Variants in CNKSR3 observed in about 807,000 individuals in gnomAD.
CNKSR3 encodes the protein CNKSR family member 3, also known as connector enhancer of kinase suppressor of ras 3.
A neutral mutation model predicts 67.7 loss-of-function variants in CNKSR3; 36 were observed. The ratio of observed to expected loss-of-function variants is 0.53; its 90% CI spans 0.41 to 0.70. The LOEUF (loss-of-function observed/expected upper bound fraction) is 0.70. Among genes scored for constraint, CNKSR3 ranks in the 30% least tolerant of loss-of-function variants. CNKSR3 has a pLI of 0.00. For missense variants in CNKSR3, 630 were observed against 695.2 expected (o/e 0.91, Z 1.05); for synonymous variants, 281 against 271.4 (o/e 1.04, Z -0.35).
intron 1 of CNKSR3, among the ~76,000 whole-genome samples, chr6:154,475,620 C>T (rs1786429718): frequency 6.6e-6 from 1 of 152,142 alleles, no homozygotes; most frequent in Non-Finnish European, 1.5e-5. Flanking sequence ...CATCCAAGTC[C>T]CCCTGAAAGC....
chr6:154,423,845 A>T (rs1474769094), intron 7 of CNKSR3, among the ~76,000 whole-genome samples: 1 of 152,214 alleles, frequency 6.6e-6, no homozygotes, highest in Non-Finnish European at 1.5e-5. Context: ...GATTACATTC[A>T]AAAATGAGTC....
At chr6:154,441,254 A>G (rs766769159) in intron 4 of CNKSR3, 38 bp downstream of exon 4, 5 of 1,264,480 alleles carry the variant, frequency 4.0e-6, no homozygotes, top group Non-Finnish European at 5.6e-6. Context: ...AAAAAAAAAA[A>G]AAAAAAAAAA....
chr6:154,460,255 G>C (rs533437367), intron 1 of CNKSR3, among the ~76,000 whole-genome samples: 1 of 152,312 alleles, frequency 6.6e-6, no homozygotes, highest in South Asian at 2.1e-4. Flanking sequence ...AGAATATAAT[G>C]GCAGCCCTCA....
At chr6:154,490,972 T>C (rs1365725448) in intron 1 of CNKSR3, among the ~76,000 whole-genome samples, 3 of 152,064 alleles carry the variant, frequency 2.0e-5, no homozygotes, top group African/African-American at 7.2e-5. Flanking sequence ...CTCAGCCTCC[T>C]GAGTAGCTGG....
intron 7 of CNKSR3, among the ~76,000 whole-genome samples, chr6:154,424,785 T>C (rs1297307131): frequency 6.6e-6 from 1 of 152,198 alleles, no homozygotes; most frequent in Non-Finnish European, 1.5e-5. Flanking sequence ...TGTTGTTTTT[T>C]GAGACAGTCT....
chr6:154,484,396 A>C (rs562413354), intron 1 of CNKSR3, among the ~76,000 whole-genome samples: 81 of 152,242 alleles, frequency 5.3e-4, no homozygotes, highest in Admixed American at 5.3e-3. Flanking sequence ...CCTCATACCC[A>C]GTATTTGTTC....
At chr6:154,497,233 A>G (rs1011152953) in intron 1 of CNKSR3, among the ~76,000 whole-genome samples, 5 of 152,038 alleles carry the variant, frequency 3.3e-5, no homozygotes, top group Admixed American at 6.6e-5. Context: ...AAAGTTCAAA[A>G]AAAAAAAATT....
chr6:154,449,981 T>G, intron 2 of CNKSR3, 114 bp downstream of exon 2: 1 of 1,044,752 alleles, frequency 9.6e-7, no homozygotes, highest in Non-Finnish European at 1.4e-6. Context: ...CATGTTTTAT[T>G]TTGATGGAGC....
intron 1 of CNKSR3, among the ~76,000 whole-genome samples, chr6:154,483,389 C>T (rs1449827468): frequency 6.6e-6 from 1 of 152,106 alleles, no homozygotes; most frequent in African/African-American, 2.4e-5. Flanking sequence ...CTAGTGATTG[C>T]TACAACTTGA....
At position 154,402,578 on chromosome 6, in the gene CNKSR3, G is replaced by C. The variant is rs894103717; in HGVS notation, c.*3776C>G. ...CCAGGATGACTAGCACATAACCTGG[G>C]TAACTCCCTCATATGCAAAACGGGA... On this transcript the variant is annotated 3_prime_UTR_variant, in exon 13 of 13. Transcript: ENST00000607772. 2 of 152,264 alleles carry C rather than the reference G, an allele frequency of 1.3e-5. 1 individual carries two copies. Among genetic ancestry groups the C allele is most frequent in the Admixed American group, 1.3e-4 (2 of 15,282 alleles). The allele number at this position is 152,264 out of a possible 1,614,324, so 9.4% of individuals were successfully genotyped here. A position where few individuals can be genotyped will look rare whatever the true frequency, so the allele number is the denominator to read the frequency against.
chr6:154,433,813 G>C (rs1785417760), intron 4 of CNKSR3: 1 of 256,020 alleles, frequency 3.9e-6, no homozygotes, highest in South Asian at 9.3e-5. Flanking sequence ...CTACTCTCCA[G>C]ACTGTCCAGA....
chr6:154,459,647 T>C (rs547959853), intron 1 of CNKSR3, among the ~76,000 whole-genome samples: 8 of 152,348 alleles, frequency 5.3e-5, no homozygotes, highest in Non-Finnish European at 1.2e-4. Context: ...CTCAACTTTC[T>C]TGTTAGTAAC....
At chr6:154,450,031 G>A (rs538711349) in intron 2 of CNKSR3, 64 bp downstream of exon 2, 14 of 1,462,168 alleles carry the variant, frequency 9.6e-6, no homozygotes, top group Middle Eastern at 2.1e-4. Flanking sequence ...AAACAATGAC[G>A]GCTTAAGAGA....
At chr6:154,443,656 C>CA (rs796128412) in intron 2 of CNKSR3, among the ~76,000 whole-genome samples, 112 of 150,504 alleles carry the variant, frequency 7.4e-4, no homozygotes, top group South Asian at 2.5e-3. Flanking sequence ...GACACTCACA[C>CA]AAAAAAAAAC....
At chr6:154,430,758 T>A (rs1297419636) in intron 5 of CNKSR3, among the ~76,000 whole-genome samples, 167 bp from the exon 6 acceptor site, 1 of 152,234 alleles carries the variant, frequency 6.6e-6, no homozygotes, top group Non-Finnish European at 1.5e-5. Context: ...ATGTTTACCA[T>A]CTGTGGGAAT....
chr6:154,430,607 C>G lies in CNKSR3; in HGVS notation c.550-16G>C, dbSNP rs184611498. 1.1e-3 allele frequency: 1,802 copies of G among 1,598,476 alleles called. No individual in the cohort carries two copies. Among genetic ancestry groups the G allele is most frequent in the Non-Finnish European group, 1.5e-3 (1,724 of 1,175,250 alleles). Reference sequence around the variant, plus strand: ...AAACCTTGACCTAGAATTGGAGAAGCAAATAGTCAGGAAAGTTCAATCATT... The same window carrying G: ...AAACCTTGACCTAGAATTGGAGAAGGAAATAGTCAGGAAAGTTCAATCATT... On this transcript the variant is annotated splice_polypyrimidine_tract_variant and intron_variant, in intron 5 of 12. Coordinates refer to ENST00000607772, the MANE Select transcript of CNKSR3 (RefSeq NM_173515.4).
At chr6:154,425,837 C>G (rs906058727) in intron 7 of CNKSR3, among the ~76,000 whole-genome samples, 1 of 130,514 alleles carries the variant, frequency 7.7e-6, no homozygotes, top group Non-Finnish European at 1.8e-5. Flanking sequence ...ACCCACCATA[C>G]TAGGCTTCTT....
intron 7 of CNKSR3, among the ~76,000 whole-genome samples, chr6:154,424,124 C>T (rs1785204000): frequency 1.3e-5 from 2 of 150,574 alleles, no homozygotes; most frequent in East Asian, 2.0e-4. Flanking sequence ...CCCAGCTACT[C>T]AGGAGGCTGA....
chr6:154,452,267 C>A (rs1434362592), intron 1 of CNKSR3, among the ~76,000 whole-genome samples: 1 of 152,200 alleles, frequency 6.6e-6, no homozygotes, highest in African/African-American at 2.4e-5. Context: ...CCTCGCTCTT[C>A]TGCATTTTCT....
Sources: allele counts gnomAD v4.1 joint callset (sites outside exome capture counted in the v4.1 genomes callset), GRCh38; gene constraint gnomAD v4.1.1; transcripts MANE v1.5; gene names NCBI Gene and HGNC (gene_info 2026-07-23, HGNC 2026-07-21).